The following TECPR2 variants were observed in gnomAD, a reference collection of about 807,000 sequenced individuals.
TECPR2 encodes tectonin beta-propeller repeat-containing protein 2.
TECPR2 carries 65 observed loss-of-function variants against 138.1 expected under a neutral mutation model. The observed-to-expected ratio is 0.47, with a 90% confidence interval of 0.39 to 0.58. The LOEUF (loss-of-function observed/expected upper bound fraction) is 0.58. Ranked by LOEUF, TECPR2 falls within the 20% of genes least tolerant of loss-of-function variation. The pLI is 0.00. For synonymous variants in TECPR2, 746 were observed against 749.8 expected, an observed-to-expected ratio of 0.99 and a Z score of 0.08; for missense variants, 1,553 against 1,824.5, an observed-to-expected ratio of 0.85 and a Z score of 2.71.
intron 18 of TECPR2, 162 bp from the exon 19 acceptor site, chr14:102,497,408 T>C: frequency 1.8e-6 from 2 of 1,104,798 alleles, no homozygotes; most frequent in Non-Finnish European, 1.2e-6. Flanking sequence ...TGCCAACTGG[T>C]CGTCCTTTCC....
At chr14:102,445,068 G>A (rs962724503) in intron 12 of TECPR2, among the ~76,000 whole-genome samples, 6 of 152,228 alleles carry the variant, frequency 3.9e-5, no homozygotes, top group African/African-American at 9.6e-5. Context: ...TGGGGGCCCC[G>A]TGCATGGATG....
intron 2 of TECPR2, among the ~76,000 whole-genome samples, chr14:102,378,170 T>A (rs1470296811): frequency 6.6e-6 from 1 of 152,278 alleles, no homozygotes; most frequent in East Asian, 1.9e-4. Context: ...TGGGACTCTA[T>A]TCTGTCTGTG....
intron 16 of TECPR2, among the ~76,000 whole-genome samples, chr14:102,455,804 G>C (rs1279668354): frequency 2.0e-5 from 3 of 152,148 alleles, no homozygotes; most frequent in Non-Finnish European, 2.9e-5. Context: ...GTAGAGACAG[G>C]GTTTCACCAT....
chr14:102,471,029 G>A (rs1890643871), intron 17 of TECPR2, among the ~76,000 whole-genome samples: 1 of 152,102 alleles, frequency 6.6e-6, no homozygotes, highest in Admixed American at 6.6e-5. Flanking sequence ...ATGTTGAATA[G>A]GATGGTTTTG....
intron 1 of TECPR2, among the ~76,000 whole-genome samples, chr14:102,373,025 A>T (rs115060426): frequency 1.3e-5 from 2 of 152,328 alleles, no homozygotes; most frequent in African/African-American, 4.8e-5. Context: ...ATGAGTATGT[A>T]TGTATGCACT....
At chr14:102,367,174 G>C (rs1887365142) in intron 1 of TECPR2, among the ~76,000 whole-genome samples, 1 of 152,132 alleles carries the variant, frequency 6.6e-6, no homozygotes, top group Admixed American at 6.5e-5. Flanking sequence ...CCAGTGAGGA[G>C]TTTTGAGTAG....
chr14:102,389,257 C>T (rs975227490), intron 2 of TECPR2, among the ~76,000 whole-genome samples: 1 of 151,428 alleles, frequency 6.6e-6, no homozygotes, highest in African/African-American at 2.4e-5. Flanking sequence ...ACCTGGGAGG[C>T]AGAGGTTGCA....
chr14:102,398,039 C>T (rs1420947133), intron 2 of TECPR2, among the ~76,000 whole-genome samples: 2 of 141,458 alleles, frequency 1.4e-5, no homozygotes, highest in African/African-American at 5.3e-5. Context: ...TGCCACTGCA[C>T]TCCAGCCTGG....
intron 2 of TECPR2, among the ~76,000 whole-genome samples, chr14:102,377,960 T>A (rs989189108): frequency 3.9e-5 from 6 of 152,252 alleles, no homozygotes; most frequent in Admixed American, 1.3e-4. Flanking sequence ...TCCTGACCAA[T>A]CTGTTTCTGC....
At chr14:102,380,869 G>A (rs148664976) in intron 2 of TECPR2, among the ~76,000 whole-genome samples, 6,115 of 151,918 alleles carry the variant, frequency 0.04, 143 homozygotes, top group Middle Eastern at 0.089. Flanking sequence ...TAGTAGAGAC[G>A]GGGTTTCACC....
At chr14:102,397,452 A>G (rs1346646905) in intron 2 of TECPR2, among the ~76,000 whole-genome samples, 1 of 152,188 alleles carries the variant, frequency 6.6e-6, no homozygotes, top group South Asian at 2.1e-4. Flanking sequence ...GCAAACAACT[A>G]AAGAAGATGT....
chr14:102,432,005 G>A lies in TECPR2; in HGVS notation c.1294G>A (p.Glu432Lys). Residue 432 changes from glutamate to lysine, a missense_variant, in exon 8 of 20, where the codon GAG becomes AAG. Transcript: ENST00000359520. ...LLPPGLQATPELGKGSQPLSQ... is the reference protein window; with the variant it reads ...LLPPGLQATPKLGKGSQPLSQ... ...GCCCCCTGGGCTCCAGGCCACCCCT[G>A]AGCTGGGCAAGGGCAGCCAGCCCCT... 6.2e-7 allele frequency: 1 copy of A among 1,612,866 alleles called. No individual in the cohort carries two copies. The highest frequency in any genetic ancestry group is 8.5e-7 in the Non-Finnish European group (1 of 1,179,926).
intron 1 of TECPR2, among the ~76,000 whole-genome samples, chr14:102,367,239 T>C (rs1567310391): frequency 6.6e-6 from 1 of 152,176 alleles, no homozygotes; most frequent in African/African-American, 2.4e-5. Flanking sequence ...TCCTTTGTTT[T>C]TTGGGGGGTA....
At chr14:102,393,593 C>T (rs1484566768) in intron 2 of TECPR2, among the ~76,000 whole-genome samples, 1 of 152,152 alleles carries the variant, frequency 6.6e-6, no homozygotes, top group East Asian at 1.9e-4. Flanking sequence ...GAGTCTCACT[C>T]TGTTGCCCAG....
intron 7 of TECPR2, among the ~76,000 whole-genome samples, chr14:102,431,588 C>T (rs771215794): frequency 4.6e-5 from 7 of 152,118 alleles, no homozygotes; most frequent in East Asian, 1.9e-4. Flanking sequence ...GTGATCCGCC[C>T]GCCTTGGCCT....
chr14:102,382,375 A>G (rs1196768430), intron 2 of TECPR2, among the ~76,000 whole-genome samples: 1 of 152,238 alleles, frequency 6.6e-6, no homozygotes, highest in Non-Finnish European at 1.5e-5. Flanking sequence ...CAGGGGTAAA[A>G]AAGACATTAC....
Position 102,431,848 on chromosome 14 carries a change from A to G in TECPR2, c.1137A>G (p.Gln379=), listed in dbSNP as rs1284485651. Residue 379 remains glutamine, a synonymous_variant, in exon 8 of 20, where the codon CAA becomes CAG. Coordinates refer to ENST00000359520, the MANE Select transcript of TECPR2 (RefSeq NM_014844.5). ...GCTCAGAGCGTGTCCACGTGCAGCA[A>G]GCGGAGAAGCTGCCAGGGGCCACAG... The part of the protein sequence containing the change: ...SGCSERVHVQ[Q]AEKLPGATVS... 1 of 1,599,134 alleles carries G rather than the reference A, an allele frequency of 6.3e-7. No homozygotes were observed.
rs1889891167 is a variant in TECPR2, at chr14:102,443,559, A to C, written c.2753-88A>C. On this transcript the variant is annotated intron_variant, in intron 11 of 19. Coordinates refer to ENST00000359520, the MANE Select transcript of TECPR2 (RefSeq NM_014844.5). This position sits in a 1 kb window ranked among gnomAD's most constrained non-coding sequence, Gnocchi z 4.9. ...TAAAAGAATATAGCAAAATACCAAAAAAGGAAAAATAAGCCAATAACCAAG... is the reference window on the plus strand; with the variant it reads ...TAAAAGAATATAGCAAAATACCAAACAAGGAAAAATAAGCCAATAACCAAG... 1 of 1,283,936 alleles carries C rather than the reference A, an allele frequency of 7.8e-7. No homozygotes were observed. Among genetic ancestry groups the C allele is most frequent in the Non-Finnish European group, 1.0e-6 (1 of 990,542 alleles). The allele number at this position is 1,283,936 out of a possible 1,614,324, so 79.5% of individuals were successfully genotyped here. A position where few individuals can be genotyped will look rare whatever the true frequency, so the allele number is the denominator to read the frequency against.
chr14:102,433,331 G>A (rs950618087), intron 8 of TECPR2, among the ~76,000 whole-genome samples: 5 of 151,952 alleles, frequency 3.3e-5, no homozygotes, highest in Non-Finnish European at 7.4e-5. Flanking sequence ...GGTCCACAGT[G>A]TCTGTCCTTC....
Sources: allele counts gnomAD v4.1 joint callset (sites outside exome capture counted in the v4.1 genomes callset), GRCh38; gene constraint gnomAD v4.1.1; non-coding constraint Gnocchi (gnomAD v3.1); transcripts MANE v1.5; gene names NCBI Gene and HGNC (gene_info 2026-07-23, HGNC 2026-07-21).